ADGRL3: variants seen among roughly 807,000 people sequenced by gnomAD.
ADGRL3 encodes adhesion G protein-coupled receptor L3.
Under a neutral mutation model 153.5 loss-of-function variants are expected in ADGRL3, and 62 were observed. The ratio of observed to expected loss-of-function variants is 0.40; its 90% CI spans 0.33 to 0.50. ADGRL3 has a LOEUF of 0.50. Ranked by LOEUF, ADGRL3 falls within the 20% of genes least tolerant of loss-of-function variation. The pLI is 0.47. For missense variants in ADGRL3, 1,641 were observed against 1,859.4 expected, an observed-to-expected ratio of 0.88 and a Z score of 2.16; for synonymous variants, 710 against 672.5, an observed-to-expected ratio of 1.06 and a Z score of -0.86.
chr4:61,523,405 A>G (rs1019936029), intron 4 of ADGRL3, among the ~76,000 whole-genome samples: 1 of 152,094 alleles, frequency 6.6e-6, no homozygotes, highest in Non-Finnish European at 1.5e-5. Context: ...GCCTTCTTCT[A>G]TATGACACTG....
At chr4:61,330,672 G>T (rs2095554117) in intron 1 of ADGRL3, among the ~76,000 whole-genome samples, 1 of 152,112 alleles carries the variant, frequency 6.6e-6, no homozygotes, top group Non-Finnish European at 1.5e-5. Flanking sequence ...CCCAAAGAGT[G>T]AGCAGCAGCC....
intron 8 of ADGRL3, among the ~76,000 whole-genome samples, chr4:61,736,623 A>C (rs1398423196): frequency 2.0e-5 from 3 of 152,162 alleles, no homozygotes; most frequent in African/African-American, 7.2e-5. Context: ...GTGCCACTGC[A>C]CGCCAGCCTG....
chr4:61,515,363 C>T (rs1260095312), intron 3 of ADGRL3, among the ~76,000 whole-genome samples: 1 of 152,144 alleles, frequency 6.6e-6, no homozygotes, highest in East Asian at 1.9e-4. Context: ...CCAAATATTT[C>T]ACAAAAACCC....
chr4:61,858,001 G>A (rs1037390958), intron 9 of ADGRL3, among the ~76,000 whole-genome samples: 3 of 152,194 alleles, frequency 2.0e-5, no homozygotes, highest in Non-Finnish European at 2.9e-5. Flanking sequence ...TTGATCATTG[G>A]TAGGTGGTAA....
At chr4:61,630,203 T>C (rs374398711) in intron 5 of ADGRL3, among the ~76,000 whole-genome samples, 1 of 152,220 alleles carries the variant, frequency 6.6e-6, no homozygotes, top group Non-Finnish European at 1.5e-5. Context: ...TCATAGGGTT[T>C]ATACACATGT....
intron 1 of ADGRL3, among the ~76,000 whole-genome samples, chr4:61,226,164 A>T (rs997018063): frequency 6.6e-6 from 1 of 152,150 alleles, no homozygotes; most frequent in Non-Finnish European, 1.5e-5. Context: ...ATAAACATTA[A>T]CATTTCTAAA....
chr4:61,540,961 A>C (rs927201311), intron 4 of ADGRL3, among the ~76,000 whole-genome samples: 1 of 152,160 alleles, frequency 6.6e-6, no homozygotes, highest in Non-Finnish European at 1.5e-5. Context: ...GAAAAAAAAA[A>C]TAGCTGTATA....
intron 2 of ADGRL3, among the ~76,000 whole-genome samples, chr4:61,433,018 G>T (rs1049924294): frequency 3.7e-4 from 56 of 151,902 alleles, no homozygotes; most frequent in African/African-American, 1.2e-3. Flanking sequence ...ATAGAACAGA[G>T]AAATAAAATT....
chr4:61,304,205 T>A (rs1298186467), intron 1 of ADGRL3, among the ~76,000 whole-genome samples: 1 of 152,230 alleles, frequency 6.6e-6, no homozygotes, highest in Non-Finnish European at 1.5e-5. Context: ...GTGGATTGGT[T>A]TTCCCTTCAG....
chr4:61,744,981 A>C (rs1580575347), intron 8 of ADGRL3, among the ~76,000 whole-genome samples: 2 of 152,190 alleles, frequency 1.3e-5, no homozygotes, highest in African/African-American at 2.4e-5. Context: ...AATTTAGGCG[A>C]GTGTATAACT....
chr4:61,464,786 C>A (rs1297913973), intron 2 of ADGRL3, among the ~76,000 whole-genome samples: 1 of 152,032 alleles, frequency 6.6e-6, no homozygotes, highest in Non-Finnish European at 1.5e-5. Context: ...TATCTGTTCC[C>A]CAGAAAATTA....
chr4:61,846,846 G>C (rs1258782573), intron 9 of ADGRL3, among the ~76,000 whole-genome samples: 1 of 151,772 alleles, frequency 6.6e-6, no homozygotes, highest in East Asian at 1.9e-4. Context: ...GTGGGGTGGG[G>C]CGGGAAGAAG....
At chr4:62,008,735 G>A (rs2099170327) in intron 21 of ADGRL3, among the ~76,000 whole-genome samples, 1 of 151,130 alleles carries the variant, frequency 6.6e-6, no homozygotes. Context: ...GCATGTGTGT[G>A]TATATATAGA....
At chr4:61,579,196 T>A (rs994303314) in intron 4 of ADGRL3, among the ~76,000 whole-genome samples, 3 of 152,110 alleles carry the variant, frequency 2.0e-5, no homozygotes, top group Middle Eastern at 6.3e-3. Context: ...TGTGTAATAA[T>A]TCCCAGCATC....
chr4:61,730,549 G>C (rs2151793392), intron 6 of ADGRL3, 73 bp from the exon 7 acceptor site: 1 of 362,616 alleles, frequency 2.8e-6, no homozygotes, highest in Non-Finnish European at 5.3e-6. Flanking sequence ...TGAATAAAAA[G>C]TGCTTGGCCA....
chr4:61,364,471 T>C (rs143845138), intron 1 of ADGRL3, among the ~76,000 whole-genome samples: 1 of 152,286 alleles, frequency 6.6e-6, no homozygotes, highest in African/African-American at 2.4e-5. Flanking sequence ...AAACATATTG[T>C]ACTTCTTCAC....
At chr4:61,685,985 G>A (rs769794671) in intron 6 of ADGRL3, among the ~76,000 whole-genome samples, 2 of 151,498 alleles carry the variant, frequency 1.3e-5, no homozygotes, top group Non-Finnish European at 3.0e-5. Flanking sequence ...GTAAGGAATC[G>A]AGATGAATTG....
At chr4:61,398,425 G>C (rs1714162440) in intron 2 of ADGRL3, among the ~76,000 whole-genome samples, 1 of 35,398 alleles carries the variant, frequency 2.8e-5, no homozygotes, top group Non-Finnish European at 1.2e-4. Flanking sequence ...ACTGAGATCA[G>C]TTATCTTTTT....
At chr4:61,894,080 T>A (rs2098608900) in intron 10 of ADGRL3, among the ~76,000 whole-genome samples, 1 of 152,330 alleles carries the variant, frequency 6.6e-6, no homozygotes, top group Non-Finnish European at 1.5e-5. Context: ...TTATTTATTT[T>A]GCTTAAGCAA....
Sources: gnomAD v4.1 joint callset for allele counts (sites outside exome capture counted in the v4.1 genomes callset) on GRCh38, gnomAD v4.1.1 for gene constraint, MANE v1.5 for transcripts, NCBI Gene and HGNC (gene_info 2026-07-23, HGNC 2026-07-21) for gene names.